BCL11A: variants seen among roughly 807,000 people sequenced by gnomAD.
BCL11A encodes BCL11 transcription factor A, also known as B cell CLL/lymphoma 11A.
BCL11A carries 2 observed loss-of-function variants against 55.9 expected under a neutral mutation model. The observed-to-expected ratio is 0.04, with a 90% CI of 0.01 to 0.11. BCL11A has a LOEUF of 0.11. Among genes scored for constraint, BCL11A ranks in the 10% least tolerant of loss-of-function variants. The probability of loss-of-function intolerance (pLI) is 1.00; values close to 1 mark genes in which losing one functional copy is unlikely to be tolerated. For missense variants in BCL11A, 817 were observed against 1,137.1 expected (o/e 0.72, Z 4.05); for synonymous variants, 465 against 473.4 (o/e 0.98, Z 0.23).
chr2:60,461,288 C>T lies in BCL11A; in HGVS notation c.1624G>A (p.Ala542Thr). 5 of 1,601,960 alleles carry T rather than the reference C, an allele frequency of 3.1e-6. No homozygotes were observed. The highest frequency in any genetic ancestry group is 3.4e-6 in the Non-Finnish European group (4 of 1,178,188). Reference sequence around the variant, plus strand: ...ATGCCCTGCATGACGTCGGGCAGGGCGCGGCTCTCGTCGCCCACGCCCACG... The same window carrying T: ...ATGCCCTGCATGACGTCGGGCAGGGTGCGGCTCTCGTCGCCCACGCCCACG... ...AVVGVGDESR[A>T]LPDVMQGMVL... Residue 542 changes from alanine to threonine, a missense_variant, in exon 4 of 4, where the codon GCC (alanine) becomes ACC (threonine). Transcript: ENST00000642384.
intron 2 of BCL11A, among the ~76,000 whole-genome samples, chr2:60,488,500 T>C (rs1678417167): frequency 6.6e-6 from 1 of 152,344 alleles, no homozygotes; most frequent in Non-Finnish European, 1.5e-5. Context: ...TGATCAGTTT[T>C]TGTTTCATTT....
At chr2:60,492,195 G>T (rs555344159) in intron 2 of BCL11A, among the ~76,000 whole-genome samples, 1 of 152,212 alleles carries the variant, frequency 6.6e-6, no homozygotes, top group African/African-American at 2.4e-5. Context: ...TGGGCAACAG[G>T]GAGAAACTCC....
intron 2 of BCL11A, among the ~76,000 whole-genome samples, chr2:60,492,329 T>C (rs1031652047): frequency 6.6e-6 from 1 of 152,182 alleles, no homozygotes; most frequent in Non-Finnish European, 1.5e-5. Context: ...AACATGCCAC[T>C]ACACTCTAGC....
exon 5 of BCL11A, chr2:60,451,553 C>G (rs1675722542): frequency 4.3e-6 from 1 of 231,634 alleles, no homozygotes; most frequent in African/African-American, 2.2e-5. Context: ...CTTCTTTCCT[C>G]CTATAATTTC....
chr2:60,467,215 A>G (rs1229415189), intron 3 of BCL11A, among the ~76,000 whole-genome samples: 40 of 45,784 alleles, frequency 8.7e-4, no homozygotes, highest in South Asian at 1.8e-3. Flanking sequence ...CGGTGATGGT[A>G]CTGGTGATGG....
chr2:60,498,119 G>C (rs1679057095), intron 2 of BCL11A, among the ~76,000 whole-genome samples: 1 of 151,786 alleles, frequency 6.6e-6, no homozygotes, highest in South Asian at 2.1e-4. Flanking sequence ...CAAAAGTCTG[G>C]GAGAATGGAG....
At chr2:60,464,986 A>G (rs942791221) in intron 3 of BCL11A, among the ~76,000 whole-genome samples, 1 of 152,210 alleles carries the variant, frequency 6.6e-6, no homozygotes, top group Non-Finnish European at 1.5e-5. Context: ...AGCTAGTGTA[A>G]TCATAATGTC....
At chr2:60,493,088 T>C (rs1352517662) in intron 2 of BCL11A, among the ~76,000 whole-genome samples, 1 of 152,174 alleles carries the variant, frequency 6.6e-6, no homozygotes, top group African/African-American at 2.4e-5. Context: ...ATACAGGATA[T>C]CGTCTTTTGT....
intron 2 of BCL11A, among the ~76,000 whole-genome samples, chr2:60,485,135 G>A (rs1678198198): frequency 6.6e-6 from 1 of 152,226 alleles, no homozygotes; most frequent in African/African-American, 2.4e-5. Flanking sequence ...CACCAGGCCA[G>A]TGCCTAATTT....
chr2:60,531,740 G>A (rs1342647324), intron 2 of BCL11A, among the ~76,000 whole-genome samples: 3 of 152,132 alleles, frequency 2.0e-5, no homozygotes, highest in African/African-American at 7.2e-5. Context: ...AGTACCCAAG[G>A]CAGGGTCCAT....
chr2:60,508,002 C>T (rs1358716851), intron 2 of BCL11A, among the ~76,000 whole-genome samples: 2 of 152,066 alleles, frequency 1.3e-5, no homozygotes, highest in African/African-American at 2.4e-5. Flanking sequence ...GGTGTTGGTT[C>T]CTATGGGGTT....
chr2:60,458,382 C>A lies in BCL11A; in HGVS notation c.*2022G>T. The A allele has an allele frequency of 2.0e-6, 2 of 1,024,934 alleles. No homozygotes were observed. Among genetic ancestry groups the A allele is most frequent in the South Asian group, 4.6e-5 (1 of 21,558 alleles). 63.5% of individuals were successfully genotyped at this position (1,024,934 alleles called of 1,614,324 possible). On this transcript the variant is annotated 3_prime_UTR_variant, in exon 4 of 4. Transcript: ENST00000642384. ...TGTAACACCACCAAGACAATGGAAC[C>A]CTAAAATGCAGTTCCCCCCTAAACA...
At chr2:60,483,344 TA>T (rs368552257) in intron 2 of BCL11A, among the ~76,000 whole-genome samples, 32 of 152,290 alleles carry the variant, frequency 2.1e-4, no homozygotes, top group African/African-American at 7.5e-4. Flanking sequence ...AAAAGTGGTT[TA>T]AATCGATGCC....
At chr2:60,540,073 T>C (rs1669849656) in intron 2 of BCL11A, among the ~76,000 whole-genome samples, 1 of 152,202 alleles carries the variant, frequency 6.6e-6, no homozygotes, top group African/African-American at 2.4e-5. Flanking sequence ...TCCAAATTGA[T>C]ACATAACATA....
In BCL11A at chr2:60,483,046, C is replaced by T. The variant is rs1283574355; in HGVS notation, c.386-14213G>A. ...TAAAGGCACTGCAAGAAAACCTGCA[C>T]TTCAGCCCATGATTACTTTGCGAGA... On this transcript the variant is annotated intron_variant, in intron 2 of 3. Coordinates refer to ENST00000642384, the MANE Select transcript of BCL11A (RefSeq NM_022893.4). Among the ~76,000 whole-genome samples the T allele has an allele frequency of 2.6e-5, 4 of 152,200 alleles. No individual in the cohort carries two copies. In the South Asian group the frequency reaches 6.2e-4, roughly 24 times the overall value.
chr2:60,488,768 T>G (rs1435987586), intron 2 of BCL11A, among the ~76,000 whole-genome samples: 3 of 151,340 alleles, frequency 2.0e-5, no homozygotes, highest in South Asian at 2.1e-4. Context: ...TTGTTTGTTT[T>G]TTGTTTCTGA....
chr2:60,459,698 A>T lies in BCL11A; in HGVS notation c.*706T>A. On this transcript the variant is annotated 3_prime_UTR_variant, in exon 4 of 4. Transcript: ENST00000642384. ...CAAGGCACTCATATTTTAAAACCAA[A>T]TGATAGAATAAACTTGTTCTGTTTT... The T allele has an allele frequency of 4.8e-6, 5 of 1,036,146 alleles. No individual in the cohort carries two copies. Among genetic ancestry groups the T allele is most frequent in the Non-Finnish European group, 5.8e-6 (5 of 860,490 alleles). 64.2% of individuals were successfully genotyped at this position (1,036,146 alleles called of 1,614,324 possible). A position where few individuals can be genotyped will look rare whatever the true frequency, so the allele number is the denominator to read the frequency against.
chr2:60,454,909 C>G (rs1675873545), downstream of BCL11A, among the ~76,000 whole-genome samples: 1 of 152,206 alleles, frequency 6.6e-6, no homozygotes. Context: ...AGTTCTATAT[C>G]TACAGAATGC....
chr2:60,539,854 G>T (rs959980320), intron 2 of BCL11A, among the ~76,000 whole-genome samples: 1 of 152,106 alleles, frequency 6.6e-6, no homozygotes, highest in Non-Finnish European at 1.5e-5. Context: ...AATTACAAAG[G>T]TAAATTTACT....
Sources: gnomAD v4.1 joint callset for allele counts (sites outside exome capture counted in the v4.1 genomes callset) on GRCh38, gnomAD v4.1.1 for gene constraint, MANE v1.5 for transcripts, NCBI Gene and HGNC (gene_info 2026-07-23, HGNC 2026-07-21) for gene names.